The following PCSK4 variants were observed in gnomAD, a reference collection of about 807,000 sequenced individuals.
PCSK4 encodes the protein proprotein convertase subtilisin/kexin type 4.
In PCSK4, 64 loss-of-function variants were observed where a neutral mutation model predicts 80.3. That is an observed-to-expected ratio of 0.80 (90% CI 0.65 to 0.98). The LOEUF (loss-of-function observed/expected upper bound fraction) is 0.98. Among genes scored for constraint, PCSK4 ranks in the 50% least tolerant of loss-of-function variants. PCSK4 has a pLI of 0.00. For synonymous variants in PCSK4, 561 were observed against 487.6 expected, an observed-to-expected ratio of 1.15 and a Z score of -1.98; for missense variants, 1,213 against 1,093.6, an observed-to-expected ratio of 1.11 and a Z score of -1.54.
In PCSK4 at chr19:1,482,947, G is replaced by A; in HGVS notation, c.1645C>T (p.Gln549Ter). The A allele has an allele frequency of 6.2e-7, 1 of 1,613,038 alleles. No individual in the cohort carries two copies. Among genetic ancestry groups the A allele is most frequent in the Non-Finnish European group, 8.5e-7 (1 of 1,179,558 alleles). Residue 549 changes from glutamine (Q) to a stop codon, truncating the protein, a stop_gained, in exon 13 of 15, where the codon CAG (glutamine) becomes TAG (stop). Transcript: ENST00000300954. LOFTEE classifies it high-confidence loss of function. ...TCTAGGCCCAGGGTCCACACGCCCT[G>A]TGGGTTCTCATCCCAGAAGTGGGTG... is the stretch of plus-strand genomic sequence containing the variant.
At chr19:1,484,805 TC>T (rs1165451278) in intron 8 of PCSK4, among the ~76,000 whole-genome samples, 1 of 151,416 alleles carries the variant, frequency 6.6e-6, no homozygotes, top group Non-Finnish European at 1.5e-5. Flanking sequence ...ATGGCAAGAC[TC>T]CATCTCAAAA....
exon 5 of PCSK4, chr19:1,487,792 C>T: frequency 2.5e-6 from 4 of 1,579,872 alleles, no homozygotes; most frequent in Non-Finnish European, 3.4e-6. Flanking sequence ...CACCGGTTCT[C>T]TTTGCTGGGG....
intron 12 of PCSK4, 116 bp downstream of exon 12, chr19:1,483,168 T>C: frequency 7.9e-7 from 1 of 1,270,858 alleles, no homozygotes; most frequent in Non-Finnish European, 1.1e-6. Flanking sequence ...TCCCACCAAC[T>C]AGGCTGCCGT....
chr19:1,482,264 C>T (rs1484853215), intron 14 of PCSK4, 57 bp from the exon 15 acceptor site: 12 of 1,526,048 alleles, frequency 7.9e-6, no homozygotes, highest in East Asian at 2.5e-5. Context: ...GCCTGTTACT[C>T]GCCACCCGCC....
At chr19:1,489,995 AG>A in intron 1 of PCSK4, 98 bp from the exon 2 acceptor site, 1 of 1,529,354 alleles carries the variant, frequency 6.5e-7, no homozygotes, top group South Asian at 1.2e-5. Flanking sequence ...CTTCCCCAGC[AG>A]GTGCTCTCTG....
chr19:1,489,986 T>G, intron 1 of PCSK4, 89 bp from the exon 2 acceptor site: 1 of 1,532,726 alleles, frequency 6.5e-7, no homozygotes, highest in East Asian at 2.5e-5. Flanking sequence ...TTCTTTGTCC[T>G]TCCCCAGCAG....
chr19:1,482,112 C>T lies in PCSK4; in HGVS notation c.1915G>A (p.Gly639Arg), dbSNP rs749899152. ...CTCAGCGCGGGCGCCGCCGTGTGCC[C>T]AGGCCCAGCGGTCACCAGCCTTGTG... Residue 639 changes from glycine to arginine, a missense_variant, in exon 15 of 15, where the codon GGG becomes AGG. Coordinates refer to ENST00000300954, the Ensembl canonical transcript of PCSK4. 2 of 1,553,062 alleles carry T rather than the reference C, an allele frequency of 1.3e-6. No individual in the cohort carries two copies. The highest frequency in any genetic ancestry group is 1.7e-6 in the Non-Finnish European group (2 of 1,155,266).
At position 1,483,077 on chromosome 19, in the gene PCSK4, C is replaced by T. The variant is rs1236081033; in HGVS notation, c.1572-57G>A. On this transcript the variant is annotated intron_variant, in intron 12 of 14. Transcript: ENST00000300954. ...GTCAAGAGGGATGGCTTTGTGAAGC[C>T]GGCAGAGCCCCATGAAGTGTCTGAC... 6.2e-6 allele frequency: 9 copies of T among 1,457,872 alleles called. No homozygotes were observed. The East Asian group carries it at 1.2e-4, about 19-fold the overall frequency. 90.3% of individuals were successfully genotyped at this position (1,457,872 alleles called of 1,614,324 possible). A position where few individuals can be genotyped will look rare whatever the true frequency, so the allele number is the denominator to read the frequency against.
chr19:1,483,609 A>G (rs767475115), intron 11 of PCSK4, 41 bp downstream of exon 11: 3 of 1,489,746 alleles, frequency 2.0e-6, no homozygotes, highest in Non-Finnish European at 2.7e-6. Flanking sequence ...TGTCCCCCAC[A>G]CCCCCAGCGG....
intron 13 of PCSK4, 198 bp downstream of exon 13, chr19:1,482,698 C>T (rs1447578421): frequency 4.3e-5 from 32 of 749,916 alleles, no homozygotes; most frequent in Middle Eastern, 3.8e-4. Flanking sequence ...CTACATCTCC[C>T]GTGTTACCGC....
At position 1,482,878 on chromosome 19, in the gene PCSK4, G is replaced by A. The variant is rs2084376239; in HGVS notation, c.1696+18C>T. ...GGAGAGCCAAGCCCCGCCCACCACA[G>A]CCCCGCCCCGCCCTCACCCGTGTTG... On this transcript the variant is annotated intron_variant, in intron 13 of 14. Transcript: ENST00000300954. 1 of 1,457,864 alleles carries A rather than the reference G, an allele frequency of 6.9e-7. No homozygotes were observed. The highest frequency in any genetic ancestry group is 1.4e-5 in the African/African-American group (1 of 71,970). 90.3% of individuals were successfully genotyped at this position (1,457,864 alleles called of 1,614,324 possible).
At chr19:1,489,511 A>C (rs1429669017) in intron 2 of PCSK4, 3 of 443,318 alleles carry the variant, frequency 6.8e-6, no homozygotes, top group African/African-American at 2.0e-5. Flanking sequence ...ACGGTGGGGA[A>C]GTCACGCCGT....
At chr19:1,490,306 A>G in exon 1 of PCSK4, 1 of 1,520,358 alleles carries the variant, frequency 6.6e-7, no homozygotes, top group Non-Finnish European at 8.9e-7. Flanking sequence ...GGCCAGGGCC[A>G]AGACCAGGCG....
chr19:1,485,702 T>C (rs2084566633), intron 8 of PCSK4, among the ~76,000 whole-genome samples: 2 of 151,762 alleles, frequency 1.3e-5, no homozygotes, highest in African/African-American at 4.8e-5. Context: ...AAACCCTGTC[T>C]CTACTGAAAA....
intron 5 of PCSK4, 33 bp from the exon 6 acceptor site, chr19:1,487,724 G>T: frequency 6.5e-7 from 1 of 1,548,146 alleles, no homozygotes; most frequent in Non-Finnish European, 8.7e-7. Context: ...CTCCTGTCAC[G>T]GCCTCCATCC....
rs140483872 is a variant in PCSK4 at position 1,481,897 on chromosome 19, C to G, written c.2130G>C (p.Met710Ile). Reference sequence around the variant, plus strand: ...GGGTCACGGCCAGGAGGCTCAGCACCATGGCCGAGGCTGGGCAGCGGTGGT... The same window carrying G: ...GGGTCACGGCCAGGAGGCTCAGCACGATGGCCGAGGCTGGGCAGCGGTGGT... The change falls in exon 15 of 15, where the codon ATG becomes ATC. Residue 710 changes from methionine (M) to isoleucine (I), a missense_variant. Met to Ile is a conservative substitution (Grantham distance 10, BLOSUM62 1). Transcript: ENST00000300954. 1.3e-5 allele frequency: 21 copies of G among 1,595,202 alleles called. No individual in the cohort carries two copies. In the African/African-American group the frequency reaches 2.7e-4, roughly 20 times the overall value.
exon 14 of PCSK4, chr19:1,482,410 C>T: frequency 6.2e-7 from 1 of 1,605,266 alleles, no homozygotes. Flanking sequence ...ACCTGGGGGC[C>T]TGTAGGCCGC....
At chr19:1,487,508 A>G in intron 6 of PCSK4, 95 bp downstream of exon 6, 1 of 1,145,408 alleles carries the variant, frequency 8.7e-7, no homozygotes, top group Non-Finnish European at 1.3e-6. Flanking sequence ...CAGCAGTGAG[A>G]GGGTGGGCTC....
chr19:1,481,802 G>A, exon 15 of PCSK4: 5 of 1,522,218 alleles, frequency 3.3e-6, no homozygotes, highest in Non-Finnish European at 4.4e-6. Flanking sequence ...GGTGGGGGTG[G>A]CCCTGGCACG....
Sources: allele counts gnomAD v4.1 joint callset (sites outside exome capture counted in the v4.1 genomes callset), GRCh38; gene constraint gnomAD v4.1.1; transcripts MANE v1.5; gene names NCBI Gene and HGNC (gene_info 2026-07-23, HGNC 2026-07-21).